SNRPD1: variants seen among roughly 807,000 people sequenced by gnomAD.
SNRPD1 encodes the protein small nuclear ribonucleoprotein D1 polypeptide, also known as small nuclear ribonucleoprotein Sm D1.
SNRPD1 carries 1 observed loss-of-function variant against 14.4 expected under a neutral mutation model. The ratio of observed to expected loss-of-function variants is 0.07; its 90% CI spans 0.02 to 0.33. The LOEUF (loss-of-function observed/expected upper bound fraction) is 0.33, where lower values mean the gene tolerates loss of function less well. Among genes scored for constraint, SNRPD1 ranks in the 10% least tolerant of loss-of-function variants. The pLI is 1.00. For synonymous variants in SNRPD1, 42 were observed against 50.3 expected (o/e 0.83, Z 0.70); for missense variants, 52 against 146.4 (o/e 0.36, Z 3.33).
At chr18:21,614,541 A>T (rs2038943594) in intron 1 of SNRPD1, among the ~76,000 whole-genome samples, 2 of 152,180 alleles carry the variant, frequency 1.3e-5, no homozygotes, top group South Asian at 4.1e-4. Flanking sequence ...CATTTTCAGT[A>T]GATTTATTTC....
At chr18:21,621,681 G>A (rs1299483105) in intron 1 of SNRPD1, among the ~76,000 whole-genome samples, 4 of 152,014 alleles carry the variant, frequency 2.6e-5, no homozygotes, top group Non-Finnish European at 5.9e-5. Flanking sequence ...AGGTTTAAGC[G>A]ATTCTCCTGC....
intron 1 of SNRPD1, among the ~76,000 whole-genome samples, 185 bp downstream of exon 1, chr18:21,612,628 C>T (rs1391471503): frequency 6.6e-6 from 1 of 152,270 alleles, no homozygotes; most frequent in Non-Finnish European, 1.5e-5. Context: ...GCTCGCGGAT[C>T]CCGCGTGTCT....
intron 1 of SNRPD1, among the ~76,000 whole-genome samples, chr18:21,614,154 TC>T (rs949250917): frequency 4.6e-5 from 7 of 151,982 alleles, no homozygotes; most frequent in African/African-American, 1.5e-4. Context: ...GCGCCTGTAA[TC>T]CCAGCTACTC....
At position 21,629,208 on chromosome 18, in the gene SNRPD1, A is replaced by G; in HGVS notation, c.*70A>G. 1 of 1,147,828 alleles carries G rather than the reference A, an allele frequency of 8.7e-7. No homozygotes were observed. Among genetic ancestry groups the G allele is most frequent in the Non-Finnish European group, 1.3e-6 (1 of 757,006 alleles). The allele number at this position is 1,147,828 out of a possible 1,614,324, so 71.1% of individuals were successfully genotyped here. A position where few individuals can be genotyped will look rare whatever the true frequency, so the allele number is the denominator to read the frequency against. On this transcript the variant is annotated 3_prime_UTR_variant, in exon 4 of 4. Transcript: ENST00000300413. ...TGTACAGGTTGTGTTTGTTTATGTC[A>G]GTTTTTAATAAACATAAATGTGGGA... is the stretch of plus-strand genomic sequence containing the variant.
chr18:21,618,728 T>G (rs2038975733), intron 1 of SNRPD1, among the ~76,000 whole-genome samples: 1 of 152,112 alleles, frequency 6.6e-6, no homozygotes, highest in Non-Finnish European at 1.5e-5. Flanking sequence ...AACTCATGAG[T>G]CTTCTTAAAG....
chr18:21,622,241 C>T (rs1252114368), intron 1 of SNRPD1, among the ~76,000 whole-genome samples: 2 of 151,756 alleles, frequency 1.3e-5, no homozygotes, highest in Non-Finnish European at 2.9e-5. Context: ...CCAGGTTCAC[C>T]CCATTCTCCT....
At position 21,619,187 on chromosome 18, in the gene SNRPD1, C is replaced by T. The variant is rs373060587; in HGVS notation, c.15-3538C>T. Among the ~76,000 whole-genome samples the T allele has an allele frequency of 2.6e-5, 4 of 151,918 alleles. No individual in the cohort carries two copies. The South Asian group carries it at 8.3e-4, about 32-fold the overall frequency. ...TGAGATGGTGTGATCAATTTTTTTT[C>T]GTTTGTTTTTTTGACAAAGTCTCAC... On this transcript the variant is annotated intron_variant, in intron 1 of 3. Coordinates refer to ENST00000300413, the MANE Select transcript of SNRPD1 (RefSeq NM_006938.4).
At chr18:21,617,254 G>A (rs960331096) in intron 1 of SNRPD1, among the ~76,000 whole-genome samples, 3 of 151,654 alleles carry the variant, frequency 2.0e-5, no homozygotes, top group Non-Finnish European at 2.9e-5. Flanking sequence ...TCAGGAGTTC[G>A]AGACCAGCCT....
At chr18:21,613,744 A>T (rs990766218) in intron 1 of SNRPD1, among the ~76,000 whole-genome samples, 12 of 150,166 alleles carry the variant, frequency 8.0e-5, no homozygotes, top group Admixed American at 2.0e-4. Context: ...AATCCCAGCT[A>T]CTCAGGAGGC....
chr18:21,618,276 T>TA (rs2038972201), intron 1 of SNRPD1, among the ~76,000 whole-genome samples: 1 of 151,318 alleles, frequency 6.6e-6, no homozygotes, highest in Non-Finnish European at 1.5e-5. Flanking sequence ...TTTAAAAATT[T>TA]AAAAAATATT....
At chr18:21,617,768 C>T (rs886429352) in intron 1 of SNRPD1, among the ~76,000 whole-genome samples, 2 of 152,070 alleles carry the variant, frequency 1.3e-5, no homozygotes, top group Non-Finnish European at 2.9e-5. Context: ...TTTGTGAGGC[C>T]GAGGCAGGCA....
chr18:21,623,685 T>C, intron 2 of SNRPD1, 63 bp from the exon 3 acceptor site: 1 of 1,154,790 alleles, frequency 8.7e-7, no homozygotes, highest in Non-Finnish European at 1.3e-6. Flanking sequence ...TGTGGCTCAG[T>C]AGATTAATTA....
At chr18:21,617,170 T>C (rs1279914117) in intron 1 of SNRPD1, among the ~76,000 whole-genome samples, 1 of 151,656 alleles carries the variant, frequency 6.6e-6, no homozygotes, top group Non-Finnish European at 1.5e-5. Flanking sequence ...ATCAACCATA[T>C]AAGGCCAGGC....
intron 1 of SNRPD1, among the ~76,000 whole-genome samples, chr18:21,615,015 C>T (rs1598490169): frequency 6.6e-6 from 1 of 152,172 alleles, no homozygotes; most frequent in East Asian, 1.9e-4. Flanking sequence ...ATATTTCCTG[C>T]TATTGAAAAA....
chr18:21,615,871 A>G (rs910001939), intron 1 of SNRPD1, among the ~76,000 whole-genome samples: 5 of 152,230 alleles, frequency 3.3e-5, no homozygotes, highest in African/African-American at 1.2e-4. Flanking sequence ...ACAATATATT[A>G]GAATAACAAT....
intron 2 of SNRPD1, 59 bp downstream of exon 2, chr18:21,622,860 T>A: frequency 1.3e-6 from 1 of 775,622 alleles, no homozygotes; most frequent in Admixed American, 2.2e-5. Flanking sequence ...CTAGCCAGAG[T>A]TTATTTTTTT....
intron 2 of SNRPD1, among the ~76,000 whole-genome samples, chr18:21,623,068 A>C (rs1166540645): frequency 6.6e-6 from 1 of 151,574 alleles, no homozygotes; most frequent in Admixed American, 6.6e-5. Flanking sequence ...CTGGGACTAC[A>C]GGTGCCTGCC....
intron 1 of SNRPD1, among the ~76,000 whole-genome samples, chr18:21,619,094 T>A (rs1408544626): frequency 2.6e-5 from 4 of 152,172 alleles, no homozygotes; most frequent in African/African-American, 9.6e-5. Flanking sequence ...GATTGTGAGA[T>A]TATGGTTATA....
In SNRPD1 at chr18:21,619,346, A is replaced by C. The variant is rs181896300; in HGVS notation, c.15-3379A>C. On this transcript the variant is annotated intron_variant, in intron 1 of 3. Transcript: ENST00000300413. ...AGTCAAGTGCCACCAAGTCTGGCTAATTTTTTTGTATTTTTAGCAGAGACG... is the reference window on the plus strand; with the variant it reads ...AGTCAAGTGCCACCAAGTCTGGCTACTTTTTTTGTATTTTTAGCAGAGACG... 2.6e-5 allele frequency among the ~76,000 whole-genome samples: 4 copies of C among 152,044 alleles called. No individual in the cohort carries two copies. In the East Asian group the frequency reaches 5.8e-4, roughly 22 times the overall value.
Sources: gnomAD v4.1 joint callset for allele counts (sites outside exome capture counted in the v4.1 genomes callset) on GRCh38, gnomAD v4.1.1 for gene constraint, MANE v1.5 for transcripts, NCBI Gene and HGNC (gene_info 2026-07-23, HGNC 2026-07-21) for gene names.